WWC2: variants seen among roughly 807,000 people sequenced by gnomAD.
The protein encoded by WWC2 is protein WWC2.
In WWC2, 101 loss-of-function variants were observed where a neutral mutation model predicts 138.5. That is an observed-to-expected ratio of 0.73 (90% CI 0.62 to 0.86). The LOEUF (loss-of-function observed/expected upper bound fraction) is 0.86. WWC2 is among the 40% of genes least tolerant of loss of function. The probability of loss-of-function intolerance (pLI) is 0.00; values close to 1 mark genes in which losing one functional copy is unlikely to be tolerated. For missense variants in WWC2, 1,420 were observed against 1,419.4 expected (o/e 1.00, Z -0.01); for synonymous variants, 558 against 538.4 (o/e 1.04, Z -0.50).
At chr4:183,164,779 C>T (rs1394881298) in intron 1 of WWC2, among the ~76,000 whole-genome samples, 3 of 152,060 alleles carry the variant, frequency 2.0e-5, no homozygotes, top group Admixed American at 6.6e-5. Context: ...CACATGTTTT[C>T]AAGAGACCAG....
chr4:183,251,895 G>A (rs890698399), intron 8 of WWC2, among the ~76,000 whole-genome samples: 4 of 152,212 alleles, frequency 2.6e-5, no homozygotes, highest in South Asian at 2.1e-4. Flanking sequence ...CTTATTTTAT[G>A]TGCTTAATGA....
At chr4:183,214,735 T>C (rs976842806) in intron 4 of WWC2, among the ~76,000 whole-genome samples, 1 of 151,088 alleles carries the variant, frequency 6.6e-6, no homozygotes, top group South Asian at 2.1e-4. Flanking sequence ...GAGGTTGCGG[T>C]GAGCCGAGAT....
At chr4:183,153,409 C>T (rs1561438606) in intron 1 of WWC2, among the ~76,000 whole-genome samples, 1 of 152,090 alleles carries the variant, frequency 6.6e-6, no homozygotes, top group Non-Finnish European at 1.5e-5. Flanking sequence ...TGTCACATTC[C>T]AGATACATTT....
rs1738049589 is a variant in WWC2 at position 183,280,895 on chromosome 4, C to A, written c.2682C>A (p.Asp894Glu). The change falls in exon 17 of 23, where the codon GAC becomes GAA. Residue 894 changes from aspartate (D) to glutamate (E), a missense_variant and splice_region_variant. Asp to Glu is a conservative substitution (Grantham distance 45). Transcript: ENST00000403733. ...AAGAGCCAAGGGGCCCAGATGGAGA[C>A]TGGTTAAACACTTATTTCCTTTGCT... ...GQEEPRGPDGDWLTMLREASD... is the reference protein window; with the variant it reads ...GQEEPRGPDGEWLTMLREASD... 4 of 1,559,630 alleles carry A rather than the reference C, an allele frequency of 2.6e-6. No homozygotes were observed. Among genetic ancestry groups the A allele is most frequent in the Non-Finnish European group, 3.5e-6 (4 of 1,151,412 alleles).
chr4:183,225,234 A>C (rs1047952975), intron 4 of WWC2, among the ~76,000 whole-genome samples: 1 of 152,238 alleles, frequency 6.6e-6, no homozygotes, highest in African/African-American at 2.4e-5. Context: ...TAAAATACAT[A>C]CATTACCAGT....
At chr4:183,154,091 C>T (rs1249739300) in intron 1 of WWC2, among the ~76,000 whole-genome samples, 7 of 143,306 alleles carry the variant, frequency 4.9e-5, no homozygotes, top group African/African-American at 1.5e-4. Context: ...AACTGCAATT[C>T]AAATATTAAA....
Position 183,253,779 on chromosome 4 carries a change from C to G in WWC2, c.976C>G (p.Leu326Val). The G allele has an allele frequency of 6.2e-7, 1 of 1,609,612 alleles. No individual in the cohort carries two copies. The highest frequency in any genetic ancestry group is 8.5e-7 in the Non-Finnish European group (1 of 1,178,822). ...KRSMANLKIE[L>V]SKLDSEAWPG... ...TAGTATGGCCAACTTAAAAATTGAA[C>G]TGTCAAAATTGGACAGTGAGGCCTG... The change falls in exon 9 of 23, where the codon CTG becomes GTG. Residue 326 changes from leucine to valine, a missense_variant. Transcript: ENST00000403733.
chr4:183,201,088 G>A (rs1735282300), intron 2 of WWC2, among the ~76,000 whole-genome samples: 2 of 152,194 alleles, frequency 1.3e-5, no homozygotes, highest in South Asian at 4.1e-4. Flanking sequence ...GATATTCAGA[G>A]ACCTGAGTTA....
chr4:183,239,725 A>G lies in WWC2; in HGVS notation c.523-458A>G, dbSNP rs1736556479. Among the ~76,000 whole-genome samples, 3 of 152,164 alleles carry G rather than the reference A, an allele frequency of 2.0e-5. No individual in the cohort carries two copies. In the South Asian group the frequency reaches 6.2e-4, roughly 32 times the overall value. On this transcript the variant is annotated intron_variant, in intron 4 of 22. Coordinates refer to ENST00000403733, the MANE Select transcript of WWC2 (RefSeq NM_024949.6). ...GTCCTATTTGAAAAGATAACATTTC[A>G]GCTAGCATTGGAGGGACAGGGAGTC...
intron 16 of WWC2, among the ~76,000 whole-genome samples, chr4:183,279,079 A>T (rs1194990959): frequency 6.6e-6 from 1 of 152,116 alleles, no homozygotes; most frequent in African/African-American, 2.4e-5. Flanking sequence ...GAATGCTTCC[A>T]GTTCTTGCCC....
intron 4 of WWC2, among the ~76,000 whole-genome samples, chr4:183,210,187 T>G (rs1323461920): frequency 6.6e-6 from 1 of 152,196 alleles, no homozygotes; most frequent in Non-Finnish European, 1.5e-5. Flanking sequence ...TATTATGCAT[T>G]ATATGTGGAA....
intron 1 of WWC2, among the ~76,000 whole-genome samples, chr4:183,181,195 C>T (rs983630394): frequency 6.6e-6 from 1 of 152,136 alleles, no homozygotes; most frequent in Non-Finnish European, 1.5e-5. Context: ...GCTTAAAATG[C>T]CCTGTGATGC....
chr4:183,265,246 C>A, intron 12 of WWC2, 139 bp downstream of exon 12: 1 of 1,220,326 alleles, frequency 8.2e-7, no homozygotes, highest in Non-Finnish European at 1.1e-6. Context: ...AAGTGGTGTG[C>A]CTGAAAAGTT....
At chr4:183,203,317 A>G (rs766266794) in intron 2 of WWC2, among the ~76,000 whole-genome samples, 1 of 151,816 alleles carries the variant, frequency 6.6e-6, no homozygotes, top group Non-Finnish European at 1.5e-5. Context: ...GTTTTTCACA[A>G]TGCGGGTACC....
intron 4 of WWC2, among the ~76,000 whole-genome samples, chr4:183,237,498 A>G (rs1055627475): frequency 9.9e-5 from 15 of 152,256 alleles, no homozygotes; most frequent in Middle Eastern, 3.4e-3. Context: ...TTCATATTAC[A>G]CCACCTTTAA....
intron 1 of WWC2, among the ~76,000 whole-genome samples, chr4:183,158,601 A>C (rs922534577): frequency 8.6e-5 from 13 of 151,994 alleles, no homozygotes; most frequent in Non-Finnish European, 1.3e-4. Context: ...AACACAGTCA[A>C]ACCTCAGGTT....
intron 1 of WWC2, among the ~76,000 whole-genome samples, chr4:183,181,307 A>G (rs1734626857): frequency 6.6e-6 from 1 of 152,216 alleles, no homozygotes; most frequent in Admixed American, 6.5e-5. Flanking sequence ...TATTTAGTGC[A>G]ATACGTAAAC....
At chr4:183,111,877 T>C (rs1732243289) in intron 1 of WWC2, among the ~76,000 whole-genome samples, 1 of 152,166 alleles carries the variant, frequency 6.6e-6, no homozygotes, top group South Asian at 2.1e-4. Context: ...TTTGTACTTT[T>C]TGTAGAGTCA....
chr4:183,233,513 T>C, intron 4 of WWC2: 1 of 152,164 alleles, frequency 6.6e-6, no homozygotes, highest in East Asian at 1.9e-4. Flanking sequence ...TTAATATTTA[T>C]CTGTTATTTG....
Sources: allele counts gnomAD v4.1 joint callset (sites outside exome capture counted in the v4.1 genomes callset), GRCh38; gene constraint gnomAD v4.1.1; transcripts MANE v1.5; gene names NCBI Gene and HGNC (gene_info 2026-07-23, HGNC 2026-07-21).